Variants in TXNDC16 observed in about 807,000 individuals in gnomAD.
The protein encoded by TXNDC16 is thioredoxin domain containing 16.
Under a neutral mutation model 85.6 loss-of-function variants are expected in TXNDC16, and 74 were observed. That is an observed-to-expected ratio of 0.86 (90% confidence interval 0.72 to 1.05). TXNDC16 has a LOEUF of 1.05. Among genes scored for constraint, TXNDC16 ranks in the 50% least tolerant of loss-of-function variants. The probability of loss-of-function intolerance (pLI) is 0.00; values close to 1 mark genes in which losing one functional copy is unlikely to be tolerated. For missense variants in TXNDC16, 959 were observed against 947.0 expected (o/e 1.01, Z -0.17); for synonymous variants, 335 against 326.5 (o/e 1.03, Z -0.28).
chr14:52,518,757 T>A (rs951363961), intron 7 of TXNDC16, among the ~76,000 whole-genome samples: 3 of 152,070 alleles, frequency 2.0e-5, no homozygotes, highest in Non-Finnish European at 4.4e-5. Context: ...TAAAAAAAAA[T>A]AGCTAACACT....
At chr14:52,525,122 A>T (rs1031251263) in intron 6 of TXNDC16, among the ~76,000 whole-genome samples, 1 of 152,024 alleles carries the variant, frequency 6.6e-6, no homozygotes, top group African/African-American at 2.4e-5. Context: ...AACTAAAAAA[A>T]AAGAATGGCC....
intron 6 of TXNDC16, 45 bp downstream of exon 6, chr14:52,536,674 G>T (rs1164888587): frequency 6.9e-6 from 10 of 1,449,414 alleles, no homozygotes; most frequent in Non-Finnish European, 8.5e-6. Flanking sequence ...GAAATCAACA[G>T]ATAAGTAACA....
chr14:52,443,668 T>C (rs1462992597), intron 18 of TXNDC16, among the ~76,000 whole-genome samples: 4 of 152,252 alleles, frequency 2.6e-5, no homozygotes, highest in Non-Finnish European at 5.9e-5. Context: ...CAAATATGGC[T>C]GTGAGACCAG....
intron 20 of TXNDC16, among the ~76,000 whole-genome samples, chr14:52,438,357 T>C (rs960929285): frequency 6.6e-6 from 1 of 152,210 alleles, no homozygotes; most frequent in African/African-American, 2.4e-5. Flanking sequence ...GTTGTCTTAT[T>C]GTAAGAAATT....
intron 16 of TXNDC16, among the ~76,000 whole-genome samples, chr14:52,464,641 T>G (rs1356599253): frequency 6.6e-6 from 1 of 152,018 alleles, no homozygotes; most frequent in East Asian, 1.9e-4. Flanking sequence ...AAGGTTATGC[T>G]CTCTATAAGG....
intron 6 of TXNDC16, among the ~76,000 whole-genome samples, chr14:52,530,269 T>TA (rs1178479076): frequency 3.5e-5 from 2 of 56,788 alleles, no homozygotes; most frequent in East Asian, 9.5e-4. Context: ...ATAATATATA[T>TA]TATTATTTAA....
At chr14:52,539,515 A>T (rs2037780507) in intron 4 of TXNDC16, among the ~76,000 whole-genome samples, 1 of 152,224 alleles carries the variant, frequency 6.6e-6, no homozygotes. Context: ...AATTGGAATG[A>T]AAGGACTTTC....
chr14:52,527,046 C>A (rs1319731050), intron 6 of TXNDC16, among the ~76,000 whole-genome samples: 1 of 152,202 alleles, frequency 6.6e-6, no homozygotes, highest in Non-Finnish European at 1.5e-5. Flanking sequence ...CCCCATGCAT[C>A]TTTTCATCTG....
At chr14:52,458,012 C>A (rs2035572317) in intron 16 of TXNDC16, among the ~76,000 whole-genome samples, 1 of 152,160 alleles carries the variant, frequency 6.6e-6, no homozygotes, top group South Asian at 2.1e-4. Flanking sequence ...AACAGAAAAA[C>A]ACTCATGGAA....
intron 16 of TXNDC16, among the ~76,000 whole-genome samples, chr14:52,461,522 G>T (rs2140121751): frequency 6.6e-6 from 1 of 152,234 alleles, no homozygotes; most frequent in Non-Finnish European, 1.5e-5. Flanking sequence ...TTATGACACA[G>T]GTACCCTCCT....
At chr14:52,486,392 T>G (rs887560872) in intron 12 of TXNDC16, among the ~76,000 whole-genome samples, 29 of 148,650 alleles carry the variant, frequency 2.0e-4, no homozygotes, top group African/African-American at 6.9e-4. Flanking sequence ...CAAGTAATCC[T>G]CCCACCTCAG....
chr14:52,435,253 C>CTTTTT (rs5808677), intron 20 of TXNDC16, among the ~76,000 whole-genome samples: 3 of 120,230 alleles, frequency 2.5e-5, no homozygotes, highest in African/African-American at 6.2e-5. Context: ...AACATGTCTG[C>CTTTTT]TTTTTTTTTT....
intron 14 of TXNDC16, among the ~76,000 whole-genome samples, chr14:52,476,571 C>G (rs1194098008): frequency 1.3e-5 from 2 of 151,876 alleles, no homozygotes; most frequent in Non-Finnish European, 2.9e-5. Context: ...TAGAATCAAA[C>G]AAGCAGAAGA....
intron 18 of TXNDC16, among the ~76,000 whole-genome samples, chr14:52,452,544 T>C (rs2035436226): frequency 6.6e-6 from 1 of 152,116 alleles, no homozygotes; most frequent in Non-Finnish European, 1.5e-5. Flanking sequence ...CTACAGTGAA[T>C]TCGTTTTCGA....
chr14:52,485,638 T>G (rs933306269), intron 12 of TXNDC16, among the ~76,000 whole-genome samples: 5 of 152,234 alleles, frequency 3.3e-5, no homozygotes, highest in Non-Finnish European at 1.5e-5. Flanking sequence ...CTTCTGTGTT[T>G]ACACGTTTAG....
intron 20 of TXNDC16, among the ~76,000 whole-genome samples, chr14:52,435,889 G>C (rs1357719375): frequency 6.6e-6 from 1 of 152,118 alleles, no homozygotes; most frequent in African/African-American, 2.4e-5. Context: ...TGAGGTAGGA[G>C]AATCCCTTGA....
At chr14:52,448,204 C>T (rs1028630818) in intron 18 of TXNDC16, among the ~76,000 whole-genome samples, 2 of 151,888 alleles carry the variant, frequency 1.3e-5, no homozygotes. Context: ...TTATAAAACA[C>T]TATGCAGATT....
At chr14:52,526,460 C>A (rs2037338162) in intron 6 of TXNDC16, among the ~76,000 whole-genome samples, 1 of 152,086 alleles carries the variant, frequency 6.6e-6, no homozygotes, top group Non-Finnish European at 1.5e-5. Flanking sequence ...AGAAGGAAAT[C>A]CTGTGTGGCT....
At chr14:52,520,363 C>A (rs1289032355) in intron 6 of TXNDC16, among the ~76,000 whole-genome samples, 1 of 152,212 alleles carries the variant, frequency 6.6e-6, no homozygotes, top group East Asian at 1.9e-4. Context: ...GTGGCTCAAG[C>A]CTGTAATCCC....
Sources: gnomAD v4.1 joint callset for allele counts (sites outside exome capture counted in the v4.1 genomes callset) on GRCh38, gnomAD v4.1.1 for gene constraint, MANE v1.5 for transcripts, NCBI Gene and HGNC (gene_info 2026-07-23, HGNC 2026-07-21) for gene names.